The following KCNH7 variants were observed in gnomAD, a reference collection of about 807,000 sequenced individuals.
The protein encoded by KCNH7 is potassium voltage-gated channel subfamily H member 7.
In KCNH7, 49 loss-of-function variants were observed where a neutral mutation model predicts 120.8. The observed-to-expected ratio is 0.41, with a 90% CI of 0.32 to 0.51. The LOEUF is 0.51. Among genes scored for constraint, KCNH7 ranks in the 20% least tolerant of loss-of-function variants. The pLI, the probability that KCNH7 is intolerant of heterozygous loss-of-function variation, is 0.38. For missense variants in KCNH7, 1,097 were observed against 1,446.6 expected (o/e 0.76, Z 3.92); for synonymous variants, 547 against 516.1 (o/e 1.06, Z -0.81).
intron 2 of KCNH7, among the ~76,000 whole-genome samples, chr2:162,718,910 T>C (rs1687228897): frequency 6.6e-6 from 1 of 151,996 alleles, no homozygotes; most frequent in Admixed American, 6.6e-5. Flanking sequence ...TTCTGACATG[T>C]TGTATGGCTA....
In KCNH7 at chr2:162,446,078, C is replaced by A. The variant is rs781772747; in HGVS notation, c.1494G>T (p.Leu498=). Residue 498 remains leucine, a synonymous_variant, in exon 7 of 16, where the codon CTG becomes CTT. Transcript: ENST00000332142. ...AAGGAATTGCTGCAACCATGTCAAT[C>A]AGGAACCAGCCTTTGAAGTAGTGTA... The part of the protein sequence containing the change: ...IAIHYFKGWF[L]IDMVAAIPFD... 1 of 1,613,888 alleles carries A rather than the reference C, an allele frequency of 6.2e-7. No individual in the cohort carries two copies. The highest frequency in any genetic ancestry group is 8.5e-7 in the Non-Finnish European group (1 of 1,179,862).
At chr2:162,648,570 A>G (rs1684455022) in intron 2 of KCNH7, among the ~76,000 whole-genome samples, 1 of 152,160 alleles carries the variant, frequency 6.6e-6, no homozygotes, top group Non-Finnish European at 1.5e-5. Flanking sequence ...TTAGCATTCC[A>G]TGAATACACA....
intron 2 of KCNH7, among the ~76,000 whole-genome samples, chr2:162,729,797 G>A (rs1687658577): frequency 6.6e-6 from 1 of 152,018 alleles, no homozygotes; most frequent in Admixed American, 6.5e-5. Flanking sequence ...AGAAAATACT[G>A]TTTTATTGGC....
In KCNH7 at chr2:162,706,112, A is replaced by AAGAC. The variant is rs1021831821; in HGVS notation, c.307+130421_307+130424dup. ...ACAATCTTTTGTGCTCCATTACACA[A>AAGAC]AGACAGGAGGACTAAGGGAGCTGTG... is the stretch of plus-strand genomic sequence containing the variant. On this transcript the variant is annotated intron_variant, in intron 2 of 15. Coordinates refer to ENST00000332142, the MANE Select transcript of KCNH7 (RefSeq NM_033272.4). Among the ~76,000 whole-genome samples the AAGAC allele has an allele frequency of 2.5e-4, 38 of 152,212 alleles. 1 individual carries two copies. The highest frequency in any genetic ancestry group is 2.4e-3 in the Admixed American group (37 of 15,260).
chr2:162,815,395 C>T (rs1684883020), intron 2 of KCNH7, among the ~76,000 whole-genome samples: 1 of 152,046 alleles, frequency 6.6e-6, no homozygotes, highest in Admixed American at 6.5e-5. Context: ...TCACATAACA[C>T]AATAATTAGG....
chr2:162,499,842 C>A (rs1052668823), intron 6 of KCNH7, among the ~76,000 whole-genome samples: 1 of 152,038 alleles, frequency 6.6e-6, no homozygotes, highest in African/African-American at 2.4e-5. Context: ...TGTTTCACTC[C>A]AGATTTTTAT....
chr2:162,708,406 G>C (rs533163963), intron 2 of KCNH7, among the ~76,000 whole-genome samples: 5 of 152,138 alleles, frequency 3.3e-5, no homozygotes, highest in African/African-American at 1.2e-4. Flanking sequence ...TGAAAGCATT[G>C]AAGATCAAAG....
At chr2:162,795,078 T>A (rs1382715436) in intron 2 of KCNH7, among the ~76,000 whole-genome samples, 1 of 152,084 alleles carries the variant, frequency 6.6e-6, no homozygotes, top group Non-Finnish European at 1.5e-5. Flanking sequence ...TGAATAAGTA[T>A]CCACAAAATC....
intron 6 of KCNH7, among the ~76,000 whole-genome samples, chr2:162,465,526 A>C (rs1413188542): frequency 6.6e-6 from 1 of 152,182 alleles, no homozygotes; most frequent in Non-Finnish European, 1.5e-5. Context: ...TGCATACAAA[A>C]ATTTCTACCT....
chr2:162,719,267 T>C (rs1355416837), intron 2 of KCNH7, among the ~76,000 whole-genome samples: 2 of 152,088 alleles, frequency 1.3e-5, no homozygotes, highest in African/African-American at 2.4e-5. Context: ...CTATACTTAA[T>C]CCATTCTTTT....
chr2:162,656,021 C>G (rs189483119), intron 2 of KCNH7, among the ~76,000 whole-genome samples: 1 of 152,124 alleles, frequency 6.6e-6, no homozygotes, highest in South Asian at 2.1e-4. Flanking sequence ...CTATGTACAT[C>G]TACAATCACT....
chr2:162,632,911 GA>G (rs987219203), intron 2 of KCNH7, among the ~76,000 whole-genome samples: 86 of 151,902 alleles, frequency 5.7e-4, no homozygotes, highest in African/African-American at 2.0e-3. Context: ...AGTTGTAAAG[GA>G]GGGAAAGACT....
intron 5 of KCNH7, among the ~76,000 whole-genome samples, chr2:162,508,399 C>T (rs1455460110): frequency 6.6e-6 from 1 of 151,052 alleles, no homozygotes. Flanking sequence ...ATTAATTCAG[C>T]AAAACTTAAA....
intron 2 of KCNH7, among the ~76,000 whole-genome samples, chr2:162,674,884 C>A (rs1278194424): frequency 2.0e-5 from 3 of 151,502 alleles, no homozygotes; most frequent in Non-Finnish European, 4.4e-5. Flanking sequence ...ATCTTTATGA[C>A]CTTGCAATAA....
At chr2:162,507,391 T>C (rs1690917192) in intron 5 of KCNH7, among the ~76,000 whole-genome samples, 1 of 151,676 alleles carries the variant, frequency 6.6e-6, no homozygotes, top group African/African-American at 2.4e-5. Flanking sequence ...TAAAATGATA[T>C]CATACTATGA....
At chr2:162,406,890 G>T (rs1277869370) in intron 9 of KCNH7, among the ~76,000 whole-genome samples, 3 of 151,934 alleles carry the variant, frequency 2.0e-5, no homozygotes, top group Non-Finnish European at 4.4e-5. Flanking sequence ...TGAGAAATAG[G>T]AAACATACAT....
At chr2:162,661,161 A>G (rs1443878529) in intron 2 of KCNH7, among the ~76,000 whole-genome samples, 1 of 152,224 alleles carries the variant, frequency 6.6e-6, no homozygotes, top group East Asian at 1.9e-4. Flanking sequence ...GTACAGTGTT[A>G]TAGCTCAGTT....
intron 2 of KCNH7, among the ~76,000 whole-genome samples, chr2:162,613,952 A>AT (rs1683056206): frequency 7.0e-6 from 1 of 142,016 alleles, no homozygotes; most frequent in Non-Finnish European, 1.6e-5. Flanking sequence ...CCAAAGAGAA[A>AT]GTTTTTTTTT....
chr2:162,482,559 C>A (rs1689963752), intron 6 of KCNH7, among the ~76,000 whole-genome samples: 1 of 152,082 alleles, frequency 6.6e-6, no homozygotes, highest in African/African-American at 2.4e-5. Context: ...AAAGTTTTCT[C>A]TCTAAGACTT....
Sources: allele counts gnomAD v4.1 joint callset (sites outside exome capture counted in the v4.1 genomes callset), GRCh38; gene constraint gnomAD v4.1.1; transcripts MANE v1.5; gene names NCBI Gene and HGNC (gene_info 2026-07-23, HGNC 2026-07-21).